The following SEMA3D variants were observed in gnomAD, a reference collection of about 807,000 sequenced individuals.
SEMA3D encodes semaphorin-3D.
A neutral mutation model predicts 100.1 loss-of-function variants in SEMA3D; 84 were observed. The observed-to-expected ratio is 0.84, with a 90% CI of 0.70 to 1.01. The LOEUF is 1.01. Among genes scored for constraint, SEMA3D ranks in the 50% least tolerant of loss-of-function variants. SEMA3D has a pLI of 0.00. For synonymous variants in SEMA3D, 312 were observed against 320.7 expected, an observed-to-expected ratio of 0.97 and a Z score of 0.29; for missense variants, 875 against 934.1, an observed-to-expected ratio of 0.94 and a Z score of 0.82.
At chr7:85,052,345 A>G (rs1239935151) in intron 9 of SEMA3D, among the ~76,000 whole-genome samples, 1 of 151,982 alleles carries the variant, frequency 6.6e-6, no homozygotes, top group African/African-American at 2.4e-5. Context: ...ACATGGAAAC[A>G]AAACTTCTTA....
intron 1 of SEMA3D, among the ~76,000 whole-genome samples, chr7:85,184,292 A>T (rs1329598208): frequency 2.6e-5 from 4 of 152,200 alleles, no homozygotes; most frequent in Admixed American, 2.0e-4. Flanking sequence ...AACAGTTCGT[A>T]TCTCAGTTCG....
intron 2 of SEMA3D, among the ~76,000 whole-genome samples, chr7:85,150,176 T>C (rs1424906708): frequency 1.3e-5 from 2 of 151,512 alleles, no homozygotes; most frequent in African/African-American, 2.4e-5. Flanking sequence ...TTTTAATTTA[T>C]GTTGTCAGGA....
chr7:85,010,536 T>C (rs531797488), intron 17 of SEMA3D, among the ~76,000 whole-genome samples: 50 of 151,808 alleles, frequency 3.3e-4, no homozygotes, highest in Admixed American at 3.0e-3. Context: ...GTAGGAAAGC[T>C]TGGCCATGAG....
rs1311987924 is a variant in SEMA3D, at chr7:84,999,092, G to A, written c.*348C>T. On this transcript the variant is annotated 3_prime_UTR_variant, in exon 19 of 19. Transcript: ENST00000284136. The stretch of plus-strand genomic sequence containing the variant: ...TAAATTCCATGCTTAATGGACATTC[G>A]AGGGAATAAAGCACCTTATACACTA... The A allele has an allele frequency of 8.6e-6, 2 of 232,604 alleles. No individual in the cohort carries two copies. Among genetic ancestry groups the A allele is most frequent in the South Asian group, 1.5e-4 (2 of 13,184 alleles). 14.4% of individuals were successfully genotyped at this position (232,604 alleles called of 1,614,324 possible). A position where few individuals can be genotyped will look rare whatever the true frequency, so the allele number is the denominator to read the frequency against.
chr7:85,141,445 G>T (rs1790050496), intron 2 of SEMA3D: 2 of 984,818 alleles, frequency 2.0e-6, no homozygotes, highest in Non-Finnish European at 2.4e-6. Context: ...TTAAAAAAAA[G>T]ATTGGTGTCT....
Position 85,035,109 on chromosome 7 carries a change from A to ATG in SEMA3D, c.1191+1778_1191+1779dup, listed in dbSNP as rs145609519. On this transcript the variant is annotated intron_variant, in intron 12 of 18. Transcript: ENST00000284136. The stretch of plus-strand genomic sequence containing the variant: ...GTCAACAGATGAATGGATAAAGAAA[A>ATG]TGTGTGTGTGTGTGTATGTGTGTGT... Among the ~76,000 whole-genome samples the ATG allele has an allele frequency of 4.9e-3, 739 of 150,912 alleles. 8 individuals are homozygous for ATG. Among genetic ancestry groups the ATG allele is most frequent in the African/African-American group, 0.016 (680 of 41,250 alleles).
intron 9 of SEMA3D, among the ~76,000 whole-genome samples, chr7:85,043,708 T>C (rs1335642028): frequency 2.0e-5 from 3 of 152,070 alleles, no homozygotes; most frequent in African/African-American, 7.2e-5. Flanking sequence ...GTTCTCGTGA[T>C]AGTGAATGGG....
chr7:85,142,678 T>G (rs1790089339), intron 2 of SEMA3D: 2 of 761,614 alleles, frequency 2.6e-6, no homozygotes, highest in African/African-American at 1.9e-5. Context: ...GATGGCATTT[T>G]TTTTTTTTTT....
chr7:85,020,350 T>C (rs1324146576), intron 13 of SEMA3D, 29 bp from the exon 14 acceptor site: 2 of 1,540,540 alleles, frequency 1.3e-6, no homozygotes, highest in East Asian at 2.3e-5. Context: ...CATGATCCCA[T>C]TGTTTCTATC....
At chr7:85,230,667 A>G in the SEMA3D span, among the ~76,000 whole-genome samples, 1 of 152,104 alleles carries the variant, frequency 6.6e-6, no homozygotes, top group Non-Finnish European at 1.5e-5. Context: ...TAATTTGTTA[A>G]TATCTATACT....
In SEMA3D at chr7:85,042,174, G is replaced by A; in HGVS notation, c.973C>T (p.Leu325Phe). The A allele has an allele frequency of 1.1e-5, 17 of 1,601,700 alleles. No individual in the cohort carries two copies. The highest frequency in any genetic ancestry group is 1.5e-5 in the Non-Finnish European group (17 of 1,169,088). Residue 325 changes from leucine (L) to phenylalanine (F), a missense_variant, in exon 10 of 19, where the codon CTT (leucine) becomes TTT (phenylalanine). Physicochemically the swap from Leu to Phe is conservative, Grantham distance 22. Coordinates refer to ENST00000284136, the MANE Select transcript of SEMA3D (RefSeq NM_001384900.1). ...SDGADTYFDELQDIYLLPTRD... is the reference protein window; with the variant it reads ...SDGADTYFDEFQDIYLLPTRD... Reference sequence around the variant, plus strand: ...AAGAAGGAAAGAAGGAACTTACGAAGCTCATCAAAGTAAGTATCTGCCCCA... The same window carrying A: ...AAGAAGGAAAGAAGGAACTTACGAAACTCATCAAAGTAAGTATCTGCCCCA...
rs192192601 is a variant in SEMA3D at position 85,179,861 on chromosome 7, C to T, written c.-173+6817G>A. On this transcript the variant is annotated intron_variant, in intron 1 of 18. Transcript: ENST00000284136. ...TATTTTTAGTAGAGATGGGGTTTCA[C>T]CGTGTTAGCCAAGATGGTCTTGATC... is the stretch of plus-strand genomic sequence containing the variant. 1.8e-4 allele frequency among the ~76,000 whole-genome samples: 28 copies of T among 152,108 alleles called. No individual in the cohort carries two copies. In the East Asian group the frequency reaches 5.4e-3, roughly 30 times the overall value.
At chr7:85,203,504 G>A in the SEMA3D span, among the ~76,000 whole-genome samples, 6 of 152,108 alleles carry the variant, frequency 3.9e-5, no homozygotes, top group Non-Finnish European at 1.5e-5. Flanking sequence ...ATTGTTAACA[G>A]GGCTTTTGAG....
At chr7:85,210,913 G>GTAT in the SEMA3D span, among the ~76,000 whole-genome samples, 1 of 151,992 alleles carries the variant, frequency 6.6e-6, no homozygotes, top group East Asian at 1.9e-4. Context: ...TTTTATTCAT[G>GTAT]TATTAATGTA....
At chr7:85,137,062 T>C (rs1342711571) in intron 2 of SEMA3D, among the ~76,000 whole-genome samples, 1 of 152,120 alleles carries the variant, frequency 6.6e-6, no homozygotes, top group African/African-American at 2.4e-5. Context: ...ACAACATACA[T>C]AGACTTTTTT....
Position 85,097,905 on chromosome 7 carries a change from T to G in SEMA3D, c.212A>C (p.Gln71Pro), listed in dbSNP as rs777476976. 1 of 1,609,300 alleles carries G rather than the reference T, an allele frequency of 6.2e-7. No individual in the cohort carries two copies. Among genetic ancestry groups the G allele is most frequent in the African/African-American group, 1.3e-5 (1 of 74,592 alleles). Residue 71 changes from glutamine to proline, a missense_variant, in exon 4 of 19, where the codon CAA becomes CCA. Physicochemically the swap from Gln to Pro is moderately conservative, Grantham distance 76. Coordinates refer to ENST00000284136, the MANE Select transcript of SEMA3D (RefSeq NM_001384900.1). ...TCTTTCCTCATCTAAGAGAAGAGTTTGAAAATCCAGTCCTTCTGATGAACC... is the reference window on the plus strand; with the variant it reads ...TCTTTCCTCATCTAAGAGAAGAGTTGGAAAATCCAGTCCTTCTGATGAACC... Reference protein sequence around the residue: ...FLGSSEGLDFQTLLLDEERGR... With the variant: ...FLGSSEGLDFPTLLLDEERGR...
At chr7:85,013,237 G>A (rs902544175) in intron 16 of SEMA3D, among the ~76,000 whole-genome samples, 3 of 151,620 alleles carry the variant, frequency 2.0e-5, no homozygotes, top group African/African-American at 4.8e-5. Context: ...ATATAAAAGC[G>A]TTCAGTCAGT....
chr7:85,065,239 T>C (rs950203122), intron 8 of SEMA3D, among the ~76,000 whole-genome samples, 185 bp downstream of exon 8: 10 of 152,180 alleles, frequency 6.6e-5, no homozygotes, highest in Non-Finnish European at 1.5e-4. Context: ...TCAATAAATA[T>C]TATGTATTAC....
the SEMA3D span, among the ~76,000 whole-genome samples, chr7:85,237,409 C>T: frequency 5.9e-5 from 9 of 152,294 alleles, no homozygotes; most frequent in South Asian, 1.9e-3. Context: ...AGAACAGTTT[C>T]TCTGCCTTAC....
Sources: gnomAD v4.1 joint callset for allele counts (sites outside exome capture counted in the v4.1 genomes callset) on GRCh38, gnomAD v4.1.1 for gene constraint, MANE v1.5 for transcripts, NCBI Gene and HGNC (gene_info 2026-07-23, HGNC 2026-07-21) for gene names.